SAMHD1: variants seen among roughly 807,000 people sequenced by gnomAD.
SAMHD1 encodes deoxynucleoside triphosphate triphosphohydrolase SAMHD1.
Under a neutral mutation model 79.6 loss-of-function variants are expected in SAMHD1, and 54 were observed. The observed-to-expected ratio is 0.68, with a 90% confidence interval of 0.55 to 0.85. SAMHD1 has a LOEUF of 0.85. SAMHD1 is among the 40% of genes least tolerant of loss of function. The pLI, the probability that SAMHD1 is intolerant of heterozygous loss-of-function variation, is 0.00. For missense variants in SAMHD1, 663 were observed against 782.7 expected (o/e 0.85, Z 1.82); for synonymous variants, 260 against 264.1 (o/e 0.98, Z 0.15).
At chr20:36,894,591 A>AC (rs759384500) in intron 15 of SAMHD1, among the ~76,000 whole-genome samples, 5 of 151,386 alleles carry the variant, frequency 3.3e-5, no homozygotes, top group South Asian at 2.1e-4. Flanking sequence ...ACATGGTGAG[A>AC]CCCCGTCTTT....
rs1239410431 is a variant in SAMHD1 at position 36,917,051 on chromosome 20, T to C, written c.853-2A>G. The C allele has an allele frequency of 1.9e-6, 3 of 1,605,288 alleles. No homozygotes were observed. Among genetic ancestry groups the C allele is most frequent in the Non-Finnish European group, 2.6e-6 (3 of 1,172,134 alleles). Reference sequence around the variant, plus strand: ...TTCAGGACGCCCTTTATATGGCCACTGGAAGGCAAGAAAACCCACTGGAAG... The same window carrying C: ...TTCAGGACGCCCTTTATATGGCCACCGGAAGGCAAGAAAACCCACTGGAAG... On this transcript the variant is annotated splice_acceptor_variant, in intron 7 of 15. Coordinates refer to ENST00000646673, the MANE Select transcript of SAMHD1 (RefSeq NM_015474.4). LOFTEE classifies it high-confidence loss of function.
Position 36,951,681 on chromosome 20 carries a change from C to G in SAMHD1, c.-38G>C, listed in dbSNP as rs1172058805. 1 of 1,610,402 alleles carries G rather than the reference C, an allele frequency of 6.2e-7. No individual in the cohort carries two copies. Among genetic ancestry groups the G allele is most frequent in the Non-Finnish European group, 8.5e-7 (1 of 1,179,828 alleles). On this transcript the variant is annotated 5_prime_UTR_variant, in exon 1 of 16. Transcript: ENST00000646673. ...CGTCCGGCACAGCAGTCAAGAACCTCGGCGCCGGACCCGCGCGCAGGCGCA... is the reference window on the plus strand; with the variant it reads ...CGTCCGGCACAGCAGTCAAGAACCTGGGCGCCGGACCCGCGCGCAGGCGCA...
At chr20:36,928,394 A>G (rs1046336394) in intron 5 of SAMHD1, among the ~76,000 whole-genome samples, 4 of 150,168 alleles carry the variant, frequency 2.7e-5, no homozygotes, top group African/African-American at 7.3e-5. Context: ...ATCTCAAAAG[A>G]AAAAAAAAGG....
At chr20:36,909,093 C>T (rs1034864746) in intron 11 of SAMHD1, among the ~76,000 whole-genome samples, 1 of 152,080 alleles carries the variant, frequency 6.6e-6, no homozygotes, top group South Asian at 2.1e-4. Flanking sequence ...TCCTGAGTAG[C>T]TGAGATTACA....
At chr20:36,919,334 C>A in intron 7 of SAMHD1, 30 bp downstream of exon 7, 2 of 1,607,582 alleles carry the variant, frequency 1.2e-6, no homozygotes, top group South Asian at 2.2e-5. Context: ...AAGCACCAGT[C>A]AGTTAAAATT....
At chr20:36,926,323 G>A (rs1233693885) in intron 6 of SAMHD1, among the ~76,000 whole-genome samples, 1 of 152,034 alleles carries the variant, frequency 6.6e-6, no homozygotes. Context: ...AATAAAGCAA[G>A]GCATAAAATA....
chr20:36,936,518 T>C (rs193118488), intron 3 of SAMHD1, among the ~76,000 whole-genome samples: 1 of 151,908 alleles, frequency 6.6e-6, no homozygotes, highest in Non-Finnish European at 1.5e-5. Flanking sequence ...AGACAAAGTC[T>C]TGCTATATTG....
chr20:36,910,973 G>A (rs929827682), intron 11 of SAMHD1, among the ~76,000 whole-genome samples: 2 of 152,032 alleles, frequency 1.3e-5, no homozygotes, highest in East Asian at 1.9e-4. Flanking sequence ...TCGTTCCATC[G>A]GCTGTGTACA....
intron 15 of SAMHD1, chr20:36,894,311 AC>A (rs1990155055): frequency 6.3e-6 from 1 of 159,298 alleles, no homozygotes; most frequent in Non-Finnish European, 1.4e-5. Context: ...ATTTTAGCTC[AC>A]TGCAACCTCC....
At chr20:36,937,397 C>G (rs1275605362) in intron 3 of SAMHD1, among the ~76,000 whole-genome samples, 1 of 152,044 alleles carries the variant, frequency 6.6e-6, no homozygotes, top group Non-Finnish European at 1.5e-5. Context: ...AAACTTAAAA[C>G]TTTTGTGATC....
chr20:36,939,305 CG>C (rs1568781613), intron 3 of SAMHD1, among the ~76,000 whole-genome samples: 1 of 142,428 alleles, frequency 7.0e-6, no homozygotes, highest in African/African-American at 2.6e-5. Flanking sequence ...AGAAAATAAC[CG>C]GGTAGGCCAG....
At chr20:36,912,652 CAA>C in intron 9 of SAMHD1, 100 bp from the exon 10 acceptor site, 1 of 810,808 alleles carries the variant, frequency 1.2e-6, no homozygotes, top group Non-Finnish European at 2.1e-6. Context: ...TAGTGGCAGA[CAA>C]GAGGGCTATG....
In SAMHD1 at chr20:36,894,222, T is replaced by C. The variant is rs912900334; in HGVS notation, c.1747-1156A>G. Reference sequence around the variant, plus strand: ...TCTGACTTGATAGAACTATTAAAAATAGTTTTTAAAAAATGTGTTATTATT... The same window carrying C: ...TCTGACTTGATAGAACTATTAAAAACAGTTTTTAAAAAATGTGTTATTATT... On this transcript the variant is annotated intron_variant, in intron 15 of 15. Transcript: ENST00000646673. The C allele has an allele frequency of 1.3e-5, 4 of 314,572 alleles. No homozygotes were observed. In the East Asian group the frequency reaches 2.0e-4, roughly 16 times the overall value. The allele number at this position is 314,572 out of a possible 1,614,324, so 19.5% of individuals were successfully genotyped here. A position where few individuals can be genotyped will look rare whatever the true frequency, so the allele number is the denominator to read the frequency against.
intron 12 of SAMHD1, chr20:36,905,133 G>T: frequency 1.9e-6 from 1 of 531,048 alleles, no homozygotes; most frequent in Non-Finnish European, 3.4e-6. Flanking sequence ...AGTTAGACCT[G>T]GCTTTTGAAT....
At chr20:36,942,276 G>A (rs746965442) in intron 2 of SAMHD1, among the ~76,000 whole-genome samples, 70 of 152,104 alleles carry the variant, frequency 4.6e-4, no homozygotes, top group Non-Finnish European at 5.0e-4. Context: ...TTAGCCAGGC[G>A]TGGTGGTGGC....
Position 36,951,565 on chromosome 20 carries a change from A to C in SAMHD1, c.79T>G (p.Ser27Ala). 1 of 1,614,104 alleles carries C rather than the reference A, an allele frequency of 6.2e-7. No individual in the cohort carries two copies. The highest frequency in any genetic ancestry group is 8.5e-7 in the Non-Finnish European group (1 of 1,179,990). Residue 27 changes from serine (S) to alanine (A), a missense_variant, in exon 1 of 16, where the codon TCC (serine) becomes GCC (alanine). Physicochemically the swap from Ser to Ala is moderately conservative, Grantham distance 99. Transcript: ENST00000646673. Reference sequence around the variant, plus strand: ...CCCGGGGACCAGTCTGCCTCTGCGGAAGGGGTGTTTGAGGGGGTTCTCGGG... The same window carrying C: ...CCCGGGGACCAGTCTGCCTCTGCGGCAGGGGTGTTTGAGGGGGTTCTCGGG... ...DSPRTPSNTP[S>A]AEADWSPGLE...
chr20:36,928,283 G>A (rs1414803869), intron 5 of SAMHD1, among the ~76,000 whole-genome samples: 1 of 152,100 alleles, frequency 6.6e-6, no homozygotes, highest in African/African-American at 2.4e-5. Flanking sequence ...CAGCTACTCG[G>A]GAGGCTGAGA....
rs573877702 is a variant in SAMHD1 at position 36,890,427 on chromosome 20, C to T, written c.*2505G>A. On this transcript the variant is annotated 3_prime_UTR_variant, in exon 16 of 16. Coordinates refer to ENST00000646673, the MANE Select transcript of SAMHD1 (RefSeq NM_015474.4). ...CTTTCTTTCTTTCTTTCTTTTCTTT[C>T]TCTCTTTCCTTCCTTCCTTCCCTCC... 3.8e-4 allele frequency: 44 copies of T among 114,710 alleles called. No homozygotes were observed. The highest frequency in any genetic ancestry group is 1.5e-3 in the African/African-American group (44 of 28,690). 7.1% of individuals were successfully genotyped at this position (114,710 alleles called of 1,614,324 possible).
intron 15 of SAMHD1, among the ~76,000 whole-genome samples, chr20:36,895,436 C>T (rs1990179708): frequency 6.6e-6 from 1 of 151,844 alleles, no homozygotes; most frequent in Non-Finnish European, 1.5e-5. Flanking sequence ...GTGTACTCAC[C>T]CTATACCCAA....
Sources: allele counts gnomAD v4.1 joint callset (sites outside exome capture counted in the v4.1 genomes callset), GRCh38; gene constraint gnomAD v4.1.1; transcripts MANE v1.5; gene names NCBI Gene and HGNC (gene_info 2026-07-23, HGNC 2026-07-21).